Variants in MRE11 observed in about 807,000 individuals in gnomAD.
The protein encoded by MRE11 is double-strand break repair protein MRE11.
MRE11 carries 62 observed loss-of-function variants against 91.7 expected under a neutral mutation model. The ratio of observed to expected loss-of-function variants is 0.68; its 90% CI spans 0.55 to 0.84. The LOEUF is 0.84. MRE11 is among the 40% of genes least tolerant of loss of function. MRE11 has a pLI of 0.00. For synonymous variants in MRE11, 273 were observed against 271.4 expected, an observed-to-expected ratio of 1.01 and a Z score of -0.06; for missense variants, 796 against 852.9, an observed-to-expected ratio of 0.93 and a Z score of 0.83.
At chr11:94,445,208 C>CAT (rs1299811012) in intron 16 of MRE11, among the ~76,000 whole-genome samples, 2 of 152,234 alleles carry the variant, frequency 1.3e-5, no homozygotes, top group Non-Finnish European at 2.9e-5. Context: ...GACCACTGTC[C>CAT]ATATAGTGAC....
intron 16 of MRE11, among the ~76,000 whole-genome samples, chr11:94,445,499 C>T (rs1001430359): frequency 3.3e-5 from 5 of 151,772 alleles, no homozygotes; most frequent in African/African-American, 4.8e-5. Flanking sequence ...TAGTAGAGAC[C>T]GGGTTTCACC....
At chr11:94,424,820 GA>G (rs60955623) in intron 19 of MRE11, among the ~76,000 whole-genome samples, 22 of 146,140 alleles carry the variant, frequency 1.5e-4, no homozygotes, top group African/African-American at 3.8e-4. Context: ...AAGAAGAATG[GA>G]AAAAAAAAAC....
chr11:94,451,403 A>C (rs1172050137), intron 14 of MRE11, among the ~76,000 whole-genome samples: 3 of 152,226 alleles, frequency 2.0e-5, no homozygotes, highest in African/African-American at 7.2e-5. Context: ...AAATTCTACC[A>C]AACTTTCAAA....
chr11:94,469,971 T>C (rs1946664138), intron 9 of MRE11, among the ~76,000 whole-genome samples: 1 of 152,102 alleles, frequency 6.6e-6, no homozygotes, highest in Non-Finnish European at 1.5e-5. Context: ...GGGGTGGCAA[T>C]GTGCATAGAG....
At chr11:94,449,416 C>T (rs867953480) in intron 14 of MRE11, among the ~76,000 whole-genome samples, 1 of 152,134 alleles carries the variant, frequency 6.6e-6, no homozygotes, top group Non-Finnish European at 1.5e-5. Context: ...GCAAATTCAC[C>T]GACTTGCCAA....
rs876659023 is a variant in MRE11, at chr11:94,478,825, G to A, written c.454C>T (p.His152Tyr). The change falls in exon 6 of 20, where the codon CAC becomes TAC. Residue 152 changes from histidine to tyrosine, a missense_variant. Physicochemically the swap from His to Tyr is moderately conservative, Grantham distance 83. Transcript: ENST00000323929. Reference sequence around the variant, plus strand: ...TCCACAGACATTGAACGTCCAAAGTGATTTACAAATCCAGCACAACTTAAA... The same window carrying A: ...TCCACAGACATTGAACGTCCAAAGTAATTTACAAATCCAGCACAACTTAAA... The part of the protein sequence containing the change: ...DILSCAGFVN[H>Y]FGRSMSVEKI... 1.1e-5 allele frequency: 17 copies of A among 1,613,858 alleles called. No individual in the cohort carries two copies. The highest frequency in any genetic ancestry group is 1.4e-5 in the Non-Finnish European group (17 of 1,179,900).
intron 18 of MRE11, among the ~76,000 whole-genome samples, chr11:94,432,699 G>C (rs563750602): frequency 6.6e-6 from 1 of 152,132 alleles, no homozygotes; most frequent in African/African-American, 2.4e-5. Flanking sequence ...CCAGCTATTC[G>C]GGAGGCTGAG....
chr11:94,502,980 A>G, the MRE11 span, among the ~76,000 whole-genome samples: 3 of 152,106 alleles, frequency 2.0e-5, no homozygotes, highest in African/African-American at 7.2e-5. Context: ...TGGCCACTAA[A>G]TCTATTAATT....
At chr11:94,426,729 A>AAG (rs1945329846) in intron 19 of MRE11, among the ~76,000 whole-genome samples, 1 of 152,172 alleles carries the variant, frequency 6.6e-6, no homozygotes, top group Non-Finnish European at 1.5e-5. Context: ...TGACATTACA[A>AAG]TTGACCCCAC....
the MRE11 span, among the ~76,000 whole-genome samples, chr11:94,510,011 T>G: frequency 6.6e-6 from 1 of 152,210 alleles, no homozygotes; most frequent in Non-Finnish European, 1.5e-5. Context: ...TTTCAGATTT[T>G]GGTATAAAGA....
At chr11:94,442,319 A>G (rs899178011) in intron 16 of MRE11, among the ~76,000 whole-genome samples, 4 of 152,214 alleles carry the variant, frequency 2.6e-5, no homozygotes, top group Non-Finnish European at 4.4e-5. Context: ...TATTTTTTAA[A>G]AAACAAAAAC....
the MRE11 span, among the ~76,000 whole-genome samples, chr11:94,506,439 T>A: frequency 6.6e-6 from 1 of 151,798 alleles, no homozygotes; most frequent in Non-Finnish European, 1.5e-5. Context: ...AAGACACACA[T>A]GTAACAATTG....
Position 94,492,646 on chromosome 11 carries a change from T to C in MRE11, c.20+136A>G, listed in dbSNP as rs767792319. The C allele has an allele frequency of 2.9e-6, 4 of 1,376,118 alleles. No homozygotes were observed. In the South Asian group the frequency reaches 4.9e-5, roughly 17 times the overall value. The allele number at this position is 1,376,118 out of a possible 1,614,324, so 85.2% of individuals were successfully genotyped here. A position where few individuals can be genotyped will look rare whatever the true frequency, so the allele number is the denominator to read the frequency against. ...TATTTAAAACATTCCAAATACCCTT[T>C]TTGATGACTAATATTTCTGTTCATA... On this transcript the variant is annotated intron_variant, in intron 2 of 19. Transcript: ENST00000323929.
upstream of MRE11, chr11:94,498,758 A>G (rs1947453754): frequency 3.6e-6 from 2 of 548,844 alleles, no homozygotes; most frequent in African/African-American, 1.9e-5. Flanking sequence ...TTTATCAGAA[A>G]TAATTTTAAT....
intron 19 of MRE11, 145 bp downstream of exon 19, chr11:94,429,766 G>T: frequency 2.9e-6 from 2 of 699,974 alleles, no homozygotes; most frequent in Non-Finnish European, 4.7e-6. Context: ...CAATTCCCAT[G>T]TAACAAACCT....
rs1426875518 is a variant in MRE11 at position 94,419,766 on chromosome 11, C to G, written c.*359G>C. The G allele has an allele frequency of 4.0e-6, 1 of 250,628 alleles. No individual in the cohort carries two copies. The highest frequency in any genetic ancestry group is 2.2e-5 in the African/African-American group (1 of 45,492). 15.5% of individuals were successfully genotyped at this position (250,628 alleles called of 1,614,324 possible). A position where few individuals can be genotyped will look rare whatever the true frequency, so the allele number is the denominator to read the frequency against. On this transcript the variant is annotated 3_prime_UTR_variant, in exon 20 of 20. Coordinates refer to ENST00000323929, the MANE Select transcript of MRE11 (RefSeq NM_005591.4). ...GTTTTACTTTCAGAAAACCCAGAAC[C>G]TCTAGGAAATTACTAAAATTATGAA...
intron 7 of MRE11, among the ~76,000 whole-genome samples, chr11:94,474,802 CTACCTTTCATTT>C: frequency 6.6e-6 from 1 of 152,142 alleles, no homozygotes; most frequent in East Asian, 1.9e-4. Flanking sequence ...TGCTGCTATT[CTACCTTTCATTT>C]GGCTTAAATT....
At chr11:94,450,576 AAATT>A (rs1946073132) in intron 14 of MRE11, among the ~76,000 whole-genome samples, 1 of 152,156 alleles carries the variant, frequency 6.6e-6, no homozygotes, top group Admixed American at 6.5e-5. Context: ...ATAAAATAAA[AAATT>A]AATAATAAAG....
At chr11:94,476,528 A>G (rs1946862718) in intron 6 of MRE11, 125 bp from the exon 7 acceptor site, 2 of 676,328 alleles carry the variant, frequency 3.0e-6, no homozygotes, top group Non-Finnish European at 5.1e-6. Flanking sequence ...ATATATTTGA[A>G]TTCTGGAATA....
Sources: gnomAD v4.1 joint callset for allele counts (sites outside exome capture counted in the v4.1 genomes callset) on GRCh38, gnomAD v4.1.1 for gene constraint, MANE v1.5 for transcripts, NCBI Gene and HGNC (gene_info 2026-07-23, HGNC 2026-07-21) for gene names.